The following ITGA7 variants were observed in gnomAD, a reference collection of about 807,000 sequenced individuals.
ITGA7 encodes integrin subunit alpha 7.
Under a neutral mutation model 131.6 loss-of-function variants are expected in ITGA7, and 84 were observed. The ratio of observed to expected loss-of-function variants is 0.64; its 90% CI spans 0.54 to 0.77. ITGA7 has a LOEUF of 0.77. ITGA7 is among the 30% of genes least tolerant of loss of function. The probability of loss-of-function intolerance (pLI) is 0.00; values close to 1 mark genes in which losing one functional copy is unlikely to be tolerated. For missense variants in ITGA7, 1,399 were observed against 1,482.9 expected (o/e 0.94, Z 0.93); for synonymous variants, 548 against 600.7 (o/e 0.91, Z 1.28).
chr12:55,687,328 C>T, intron 24 of ITGA7, among the ~76,000 whole-genome samples: 1 of 151,242 alleles, frequency 6.6e-6, no homozygotes, highest in Non-Finnish European at 1.5e-5. Context: ...CAGGCACCCC[C>T]CACCATGCCC....
chr12:55,699,829 G>A (rs553620337), intron 5 of ITGA7, 41 bp downstream of exon 5: 1 of 1,578,334 alleles, frequency 6.3e-7, no homozygotes, highest in Non-Finnish European at 8.6e-7. Flanking sequence ...AGGGGAGGCT[G>A]GGCCATGCCC....
Position 55,697,989 on chromosome 12 carries a change from T to A in ITGA7, c.1230A>T (p.Lys410Asn), listed in dbSNP as rs770309632. 1 of 1,614,112 alleles carries A rather than the reference T, an allele frequency of 6.2e-7. No individual in the cohort carries two copies. Among genetic ancestry groups the A allele is most frequent in the Non-Finnish European group, 8.5e-7 (1 of 1,180,026 alleles). ...GGCTGCTCCCATGGTAGATGAAGACTTTCCCATCACCATCAAAGGGGGCAC... is the reference window on the plus strand; with the variant it reads ...GGCTGCTCCCATGGTAGATGAAGACATTCCCATCACCATCAAAGGGGGCAC... ...AVGAPFDGDGKVFIYHGSSLG... is the reference protein window; with the variant it reads ...AVGAPFDGDGNVFIYHGSSLG... The change falls in exon 8 of 25, where the codon AAA becomes AAT. Residue 410 changes from lysine (K) to asparagine (N), a missense_variant. Coordinates refer to ENST00000257879, the MANE Select transcript of ITGA7 (RefSeq NM_002206.3).
At chr12:55,700,865 G>A in intron 4 of ITGA7, 34 bp downstream of exon 4, 1 of 1,614,002 alleles carries the variant, frequency 6.2e-7, no homozygotes, top group Non-Finnish European at 8.5e-7. Context: ...AGGAGGTTTT[G>A]GTCCCCTTCT....
At chr12:55,699,295 G>A (rs1247255677) in intron 5 of ITGA7, among the ~76,000 whole-genome samples, 1 of 152,164 alleles carries the variant, frequency 6.6e-6, no homozygotes, top group Non-Finnish European at 1.5e-5. Flanking sequence ...CACACCCAGG[G>A]AGCTAGAAGA....
rs1461848875 is a variant in ITGA7 at position 55,700,163 on chromosome 12, G to A, written c.671-174C>T. ...AGAAAGACAGAGAGAGACAAGGTGA[G>A]AGACAGAAACAGAGACAGAAGGATG... On this transcript the variant is annotated intron_variant, in intron 4 of 24. Transcript: ENST00000257879. The A allele has an allele frequency of 2.7e-6, 4 of 1,458,402 alleles. No individual in the cohort carries two copies. In the East Asian group the frequency reaches 9.1e-5, roughly 33 times the overall value. The allele number at this position is 1,458,402 out of a possible 1,614,324, so 90.3% of individuals were successfully genotyped here. A position where few individuals can be genotyped will look rare whatever the true frequency, so the allele number is the denominator to read the frequency against.
At chr12:55,696,551 G>A in intron 12 of ITGA7, 119 bp from the exon 13 acceptor site, 1 of 1,139,862 alleles carries the variant, frequency 8.8e-7, no homozygotes, top group South Asian at 1.3e-5. Flanking sequence ...GGAGATGAAT[G>A]AGAGAGGTGG....
chr12:55,688,735 A>T, intron 22 of ITGA7, 109 bp downstream of exon 22: 1 of 786,128 alleles, frequency 1.3e-6, no homozygotes, highest in Non-Finnish European at 2.1e-6. Context: ...AAAAAAAAAA[A>T]AGGGGGGGGA....
intron 24 of ITGA7, among the ~76,000 whole-genome samples, chr12:55,686,015 G>A (rs907533889): frequency 3.3e-5 from 5 of 152,142 alleles, no homozygotes; most frequent in Non-Finnish European, 5.9e-5. Context: ...CTTTGTGCAC[G>A]CCTCAGGCTG....
At chr12:55,713,626 C>T (rs1170979132), upstream of ITGA7, among the ~76,000 whole-genome samples, 1 of 152,208 alleles carries the variant, frequency 6.6e-6, no homozygotes, top group Non-Finnish European at 1.5e-5. Flanking sequence ...AAGTGCTTGA[C>T]TATGATGAGT....
intron 6 of ITGA7, 54 bp from the exon 7 acceptor site, chr12:55,698,630 C>G (rs1225870092): frequency 1.1e-5 from 18 of 1,612,394 alleles, no homozygotes; most frequent in Non-Finnish European, 1.5e-5. Context: ...GAGGAGCCAG[C>G]AGGAGGCTAA....
chr12:55,687,936 A>T, intron 24 of ITGA7, 35 bp downstream of exon 24: 1 of 1,613,674 alleles, frequency 6.2e-7, no homozygotes, highest in African/African-American at 1.3e-5. Flanking sequence ...CCAACCAGGA[A>T]GTCCACCCCC....
chr12:55,711,999 T>G, upstream of ITGA7: 1 of 1,293,584 alleles, frequency 7.7e-7, no homozygotes, highest in Non-Finnish European at 1.1e-6. Flanking sequence ...TTGGAGCTTA[T>G]GTCCCAAGGT....
intron 21 of ITGA7, among the ~76,000 whole-genome samples, chr12:55,690,768 T>C (rs1488276058): frequency 2.0e-5 from 3 of 150,840 alleles, no homozygotes; most frequent in African/African-American, 4.9e-5. Context: ...GTGGCACATA[T>C]ACACCATGGA....
At position 55,702,928 on chromosome 12, in the gene ITGA7, C is replaced by G; in HGVS notation, c.358G>C (p.Glu120Gln). The G allele has an allele frequency of 1.9e-6, 3 of 1,613,256 alleles. No individual in the cohort carries two copies. Among genetic ancestry groups the G allele is most frequent in the Non-Finnish European group, 2.5e-6 (3 of 1,180,020 alleles). ...ACACTGACTCCCAACCACTGGTTCT[C>G]CTTGCTTTCCTTTTGCATATCAGCT... ...QGADMQKESK[E>Q]NQWLGVSVRS... Residue 120 changes from glutamate (E) to glutamine (Q), a missense_variant, in exon 3 of 25, where the codon GAG becomes CAG. Physicochemically the swap from Glu to Gln is conservative, Grantham distance 29. Coordinates refer to ENST00000257879, the MANE Select transcript of ITGA7 (RefSeq NM_002206.3).
At position 55,694,594 on chromosome 12, in the gene ITGA7, G is replaced by C. The variant is rs1872220723; in HGVS notation, c.2277+21C>G. ...CTTATGGAGAGGCTACTCACGTAGG[G>C]ATAAGGGCAGATGTGCCAACCTGGG... On this transcript the variant is annotated intron_variant, in intron 16 of 24. Transcript: ENST00000257879. The surrounding 1 kb of genome is among the most constrained non-coding windows in gnomAD (Gnocchi z 5.3). The C allele has an allele frequency of 6.2e-7, 1 of 1,613,480 alleles. No homozygotes were observed. Among genetic ancestry groups the C allele is most frequent in the Non-Finnish European group, 8.5e-7 (1 of 1,179,418 alleles).
chr12:55,686,584 G>T (rs2135941806), intron 24 of ITGA7, among the ~76,000 whole-genome samples: 1 of 152,306 alleles, frequency 6.6e-6, no homozygotes, highest in South Asian at 2.1e-4. Context: ...CACAGGCAGG[G>T]GCAGTTCTCC....
chr12:55,700,285 G>T (rs767498152), intron 4 of ITGA7: 1 of 1,607,950 alleles, frequency 6.2e-7, no homozygotes, highest in South Asian at 1.1e-5. Flanking sequence ...GGCAGGGACC[G>T]GGATGAGGCG....
chr12:55,693,477 G>C (rs1350312346), intron 19 of ITGA7, among the ~76,000 whole-genome samples, 160 bp from the exon 20 acceptor site: 2 of 151,766 alleles, frequency 1.3e-5, no homozygotes, highest in African/African-American at 2.4e-5. Context: ...TGTGATTACA[G>C]GCATGAGCCA....
intron 22 of ITGA7, 55 bp from the exon 23 acceptor site, chr12:55,688,355 T>C: frequency 8.6e-7 from 1 of 1,160,676 alleles, no homozygotes; most frequent in South Asian, 1.2e-5. Flanking sequence ...CTCCCTCCCT[T>C]CCCCTTACCT....
Sources: allele counts gnomAD v4.1 joint callset (sites outside exome capture counted in the v4.1 genomes callset), GRCh38; gene constraint gnomAD v4.1.1; non-coding constraint Gnocchi (gnomAD v3.1); transcripts MANE v1.5; gene names NCBI Gene and HGNC (gene_info 2026-07-23, HGNC 2026-07-21).